The following ERCC6L2 variants were observed in gnomAD, a reference collection of about 807,000 sequenced individuals.
ERCC6L2 encodes ERCC excision repair 6 like 2, also known as DNA excision repair protein ERCC-6-like 2.
ERCC6L2 carries 77 observed loss-of-function variants against 132.0 expected under a neutral mutation model. The observed-to-expected ratio is 0.58, with a 90% CI of 0.49 to 0.71. The LOEUF (loss-of-function observed/expected upper bound fraction) is 0.71. Ranked by LOEUF, ERCC6L2 falls within the 30% of genes least tolerant of loss-of-function variation. ERCC6L2 has a pLI of 0.00. For missense variants in ERCC6L2, 1,542 were observed against 1,837.6 expected, an observed-to-expected ratio of 0.84 and a Z score of 2.94; for synonymous variants, 583 against 632.4, an observed-to-expected ratio of 0.92 and a Z score of 1.17.
chr9:95,924,189 A>G (rs1830003964), intron 9 of ERCC6L2, among the ~76,000 whole-genome samples: 1 of 152,132 alleles, frequency 6.6e-6, no homozygotes. Context: ...AAGTAGTTCA[A>G]AGCAGTTTTT....
chr9:95,917,918 A>G (rs896536770), intron 6 of ERCC6L2, among the ~76,000 whole-genome samples: 2 of 152,186 alleles, frequency 1.3e-5, no homozygotes, highest in Non-Finnish European at 2.9e-5. Flanking sequence ...ATAATAAATA[A>G]CTGAAGATAC....
chr9:95,956,538 A>G, intron 13 of ERCC6L2, among the ~76,000 whole-genome samples: 1 of 152,188 alleles, frequency 6.6e-6, no homozygotes, highest in East Asian at 1.9e-4. Context: ...AGACTGGGTA[A>G]TTTATAAAGG....
At chr9:96,035,430 G>A (rs964702716) in intron 19 of ERCC6L2, among the ~76,000 whole-genome samples, 3 of 152,186 alleles carry the variant, frequency 2.0e-5, no homozygotes, top group Admixed American at 2.0e-4. Flanking sequence ...GTAGAGGATG[G>A]CCAGAGACAG....
intron 3 of ERCC6L2, among the ~76,000 whole-genome samples, chr9:95,904,427 A>T (rs1194242635): frequency 6.6e-6 from 1 of 152,120 alleles, no homozygotes; most frequent in Admixed American, 6.5e-5. Context: ...ATAAAGTTAC[A>T]CATCTCAAGG....
chr9:95,948,512 G>A (rs960631066), intron 12 of ERCC6L2, among the ~76,000 whole-genome samples: 1 of 152,072 alleles, frequency 6.6e-6, no homozygotes, highest in Non-Finnish European at 1.5e-5. Flanking sequence ...AATTAGCCAG[G>A]TGTGGTGGCG....
intron 17 of ERCC6L2, among the ~76,000 whole-genome samples, chr9:95,996,012 G>C (rs1210930744): frequency 6.6e-6 from 1 of 152,186 alleles, no homozygotes; most frequent in Non-Finnish European, 1.5e-5. Flanking sequence ...CACATCAAAA[G>C]CTAGAAATGA....
In ERCC6L2 at chr9:95,899,590, T is replaced by TTATATATATATA. The variant is rs150595611; in HGVS notation, c.594+1630_594+1631insATATATATATAT. On this transcript the variant is annotated intron_variant, in intron 3 of 18. Coordinates refer to ENST00000653738, the MANE Select transcript of ERCC6L2 (RefSeq NM_020207.7). ...CTTTCCTTTCTTTCTTTTTTTCTCT[T>TTATATATATATA]TATATATATATGTGTGTGTGTGTGT... Among the ~76,000 whole-genome samples the TTATATATATATA allele has an allele frequency of 1.6e-4, 22 of 138,484 alleles. 1 individual carries two copies. Among genetic ancestry groups the TTATATATATATA allele is most frequent in the African/African-American group, 5.3e-4 (19 of 35,680 alleles). 90.9% of individuals were successfully genotyped at this position (138,484 alleles called of 152,430 possible).
At chr9:96,009,290 T>C (rs557002012) in intron 18 of ERCC6L2, among the ~76,000 whole-genome samples, 1 of 152,346 alleles carries the variant, frequency 6.6e-6, no homozygotes, top group South Asian at 2.1e-4. Context: ...TGGCTTTGGT[T>C]ACCAATTAGG....
rs1484359913 is a variant in ERCC6L2 at position 96,012,500 on chromosome 9, A to G, written c.3950A>G (p.Lys1317Arg). ...TCAGATTCTGAAACCTTGTCATTTAAAGATTCTACCAACAAAATTTCTCAA... is the reference window on the plus strand; with the variant it reads ...TCAGATTCTGAAACCTTGTCATTTAGAGATTCTACCAACAAAATTTCTCAA... ...RLSDSETLSFKDSTNKISQVC... is the reference protein window; with the variant it reads ...RLSDSETLSFRDSTNKISQVC... The change falls in exon 19 of 19, where the codon AAA (lysine) becomes AGA (arginine). Residue 1317 changes from lysine (K) to arginine (R), a missense_variant. Around this residue, in one of 4 missense-constraint regions of ERCC6L2, gnomAD observed 442 missense variants for 583.4 expected, o/e 0.76. Transcript: ENST00000653738. 7.3e-7 allele frequency: 1 copy of G among 1,367,502 alleles called. No individual in the cohort carries two copies. The highest frequency in any genetic ancestry group is 1.1e-5 in the South Asian group (1 of 87,984). 84.7% of individuals were successfully genotyped at this position (1,367,502 alleles called of 1,614,324 possible).
intron 6 of ERCC6L2, 113 bp downstream of exon 6, chr9:95,916,547 TCTG>T: frequency 1.2e-6 from 1 of 853,436 alleles, no homozygotes; most frequent in Non-Finnish European, 1.7e-6. Context: ...TGCCTTTTAT[TCTG>T]TATGGAAAAA....
At chr9:95,999,126 C>T (rs762937229) in intron 17 of ERCC6L2, among the ~76,000 whole-genome samples, 2 of 152,012 alleles carry the variant, frequency 1.3e-5, no homozygotes, top group Admixed American at 6.5e-5. Flanking sequence ...TTTGGGAGGT[C>T]GAGGCAGGCA....
chr9:95,951,134 C>T (rs1831312042), intron 12 of ERCC6L2, among the ~76,000 whole-genome samples: 1 of 152,026 alleles, frequency 6.6e-6, no homozygotes, highest in Admixed American at 6.6e-5. Flanking sequence ...TTTCCAGTCA[C>T]AGTACAATGA....
At position 95,955,945 on chromosome 9, in the gene ERCC6L2, A is replaced by G; in HGVS notation, c.1879A>G (p.Lys627Glu). The G allele has an allele frequency of 1.9e-6, 3 of 1,606,362 alleles. No individual in the cohort carries two copies. The highest frequency in any genetic ancestry group is 2.6e-6 in the Non-Finnish European group (3 of 1,176,408). Reference sequence around the variant, plus strand: ...TAGGATTGGACAATGTAGAGATGTCAAAGTGCTTAGGCTGATATCCTTGGG... The same window carrying G: ...TAGGATTGGACAATGTAGAGATGTCGAAGTGCTTAGGCTGATATCCTTGGG... ...AYRIGQCRDVKVLRLISLGTV... is the reference protein window; with the variant it reads ...AYRIGQCRDVEVLRLISLGTV... The change falls in exon 13 of 19, where the codon AAA becomes GAA. Residue 627 changes from lysine to glutamate, a missense_variant. Lys to Glu is a moderately conservative substitution (Grantham distance 56, BLOSUM62 1). This residue lies in a region of ERCC6L2 where 945 missense variants were observed against 1,105.2 expected (regional missense o/e 0.86). Coordinates refer to ENST00000653738, the MANE Select transcript of ERCC6L2 (RefSeq NM_020207.7).
chr9:96,020,768 G>T (rs1834272763), downstream of ERCC6L2: 3 of 456,680 alleles, frequency 6.6e-6, no homozygotes, highest in South Asian at 4.6e-5. Context: ...TGTGGGGATG[G>T]GGAGTGGACG....
chr9:95,882,259 C>T (rs1317103961), intron 2 of ERCC6L2, among the ~76,000 whole-genome samples: 1 of 152,188 alleles, frequency 6.6e-6, no homozygotes, highest in Non-Finnish European at 1.5e-5. Flanking sequence ...ACTTTTGTCA[C>T]ATTCTTCTCA....
chr9:95,920,253 G>A (rs940497679), intron 6 of ERCC6L2, among the ~76,000 whole-genome samples: 2 of 152,042 alleles, frequency 1.3e-5, no homozygotes, highest in African/African-American at 4.8e-5. Flanking sequence ...TGCCACCCAT[G>A]AGAAAACAAG....
chr9:96,017,473 G>A lies in ERCC6L2; in HGVS notation c.*4270G>A, dbSNP rs910531725. On this transcript the variant is annotated 3_prime_UTR_variant, in exon 19 of 19. Transcript: ENST00000653738. The stretch of plus-strand genomic sequence containing the variant: ...CCAAGGGTAGCAAGTCAGAACCTCC[G>A]GAGAGGCTTTTAAGCATGCACATGT... 3.9e-5 allele frequency among the ~76,000 whole-genome samples: 6 copies of A among 152,276 alleles called. No homozygotes were observed. Among genetic ancestry groups the A allele is most frequent in the Middle Eastern group, 3.4e-3 (1 of 294 alleles).
chr9:95,923,514 A>ACC, intron 9 of ERCC6L2, 135 bp downstream of exon 9: 1 of 1,007,932 alleles, frequency 9.9e-7, no homozygotes, highest in Non-Finnish European at 1.4e-6. Flanking sequence ...CAAGTGGTGC[A>ACC]ATTGTATCAG....
chr9:96,025,599 C>G (rs1834349902), intron 19 of ERCC6L2: 1 of 151,618 alleles, frequency 6.6e-6, no homozygotes, highest in East Asian at 1.9e-4. Context: ...CCCAAGGATT[C>G]CCCTGCATAA....
Sources: gnomAD v4.1 joint callset for allele counts (sites outside exome capture counted in the v4.1 genomes callset) on GRCh38, gnomAD v4.1.1 for gene constraint, gnomAD v4.1.1 regional missense constraint, MANE v1.5 for transcripts, NCBI Gene and HGNC (gene_info 2026-07-23, HGNC 2026-07-21) for gene names.